Variants in YLPM1 observed in about 807,000 individuals in gnomAD.
YLPM1 encodes the protein YLP motif containing 1, also known as YLP motif-containing protein 1.
A neutral mutation model predicts 230.0 loss-of-function variants in YLPM1; 99 were observed. The observed-to-expected ratio is 0.43, with a 90% CI of 0.37 to 0.51. The LOEUF (loss-of-function observed/expected upper bound fraction) is 0.51. Ranked by LOEUF, YLPM1 falls within the 20% of genes least tolerant of loss-of-function variation. The pLI, the probability that YLPM1 is intolerant of heterozygous loss-of-function variation, is 0.00. For synonymous variants in YLPM1, 984 were observed against 942.5 expected, an observed-to-expected ratio of 1.04 and a Z score of -0.81; for missense variants, 2,592 against 2,707.7, an observed-to-expected ratio of 0.96 and a Z score of 0.95.
chr14:74,797,689 GA>G lies in YLPM1; in HGVS notation c.2394del (p.Gly799ValfsTer13). 6.2e-7 allele frequency: 1 copy of G among 1,612,590 alleles called. No individual in the cohort carries two copies. The highest frequency in any genetic ancestry group is 8.5e-7 in the Non-Finnish European group (1 of 1,179,090). On this transcript the variant is annotated frameshift_variant, in exon 5 of 21. Coordinates refer to ENST00000325680, the MANE Select transcript of YLPM1 (RefSeq NM_019589.3). LOFTEE classifies it high-confidence loss of function. ...CCCCGATGGGCCAAGACCCAGATAT[GA>G]AGGTCACCCAGCAGAGGGCACTAAA... ...NRPDGPRPRY[E>X]GHPAEGTKSK...
chr14:74,769,945 G>A (rs1295730809), intron 1 of YLPM1, among the ~76,000 whole-genome samples: 2 of 150,726 alleles, frequency 1.3e-5, no homozygotes, highest in African/African-American at 4.9e-5. Context: ...CACTTTGGGA[G>A]GCCTAGGCGG....
In YLPM1 at chr14:74,799,087, T is replaced by C; in HGVS notation, c.3790T>C (p.Trp1264Arg). Residue 1264 changes from tryptophan (W) to arginine (R), a missense_variant, in exon 5 of 21, where the codon TGG becomes CGG. Physicochemically the swap from Trp to Arg is moderately radical, Grantham distance 101. Coordinates refer to ENST00000325680, the MANE Select transcript of YLPM1 (RefSeq NM_019589.3). ...TCATGATGGAGATAGGCGAGGCCCT[T>C]GGTGGGATGATTGGGAGAGAGACCA... ...RSHDGDRRGP[W>R]WDDWERDQDM... 6.2e-7 allele frequency: 1 copy of C among 1,613,850 alleles called. No individual in the cohort carries two copies.
intron 16 of YLPM1, among the ~76,000 whole-genome samples, chr14:74,819,953 C>T (rs899391432): frequency 2.0e-5 from 3 of 152,066 alleles, no homozygotes; most frequent in Non-Finnish European, 2.9e-5. Context: ...TGAATCTTTC[C>T]GGTAGCTTAG....
chr14:74,825,038 A>G (rs757642682), intron 18 of YLPM1, among the ~76,000 whole-genome samples: 1 of 152,198 alleles, frequency 6.6e-6, no homozygotes, highest in South Asian at 2.1e-4. Flanking sequence ...ATTAAGATGT[A>G]TTAATAAAAA....
intron 3 of YLPM1, 43 bp downstream of exon 3, chr14:74,780,627 A>G: frequency 2.6e-6 from 4 of 1,519,034 alleles, no homozygotes; most frequent in East Asian, 2.4e-5. Flanking sequence ...GCCCCAAGAC[A>G]TTGAAAGGAT....
chr14:74,790,309 T>G (rs1450822109), intron 4 of YLPM1, among the ~76,000 whole-genome samples: 2 of 152,202 alleles, frequency 1.3e-5, no homozygotes, highest in African/African-American at 2.4e-5. Flanking sequence ...AACTTATCTT[T>G]GGGAATTTTA....
At chr14:74,788,106 T>A (rs2091166869) in intron 4 of YLPM1, among the ~76,000 whole-genome samples, 1 of 146,444 alleles carries the variant, frequency 6.8e-6, no homozygotes, top group Non-Finnish European at 1.5e-5. Context: ...GAAATAATTC[T>A]GTCACATACC....
At position 74,823,514 on chromosome 14, in the gene YLPM1, G is replaced by C. The variant is rs76678748; in HGVS notation, c.6112-742G>C. On this transcript the variant is annotated intron_variant, in intron 17 of 20. Coordinates refer to ENST00000325680, the MANE Select transcript of YLPM1 (RefSeq NM_019589.3). ...TCTTTTGGGAGTGACTTTGAAATAA[G>C]CCACCCAGTTATTTTATGAAATATA... 6.0e-3 allele frequency among the ~76,000 whole-genome samples: 915 copies of C among 152,200 alleles called. 23 individuals are homozygous for C. Among genetic ancestry groups the C allele is most frequent in the East Asian group, 0.051 (265 of 5,190 alleles).
rs945430190 is a variant in YLPM1, at chr14:74,809,478, C to T, written c.4620C>T (p.Thr1540=). The T allele has an allele frequency of 1.9e-6, 3 of 1,588,322 alleles. No homozygotes were observed. The African/African-American group carries it at 4.0e-5, about 21-fold the overall frequency. The change falls in exon 7 of 21, where the codon ACC becomes ACT. Residue 1540 remains threonine, a synonymous_variant. Transcript: ENST00000325680. ...CAGCAAGATCATCTGTTCCTGTGACCAGGCCACCTGTCCCAATACCACCAC... is the reference window on the plus strand; with the variant it reads ...CAGCAAGATCATCTGTTCCTGTGACTAGGCCACCTGTCCCAATACCACCAC... ...APPARSSVPV[T]RPPVPIPPPP...
In YLPM1 at chr14:74,781,752, C is replaced by T; in HGVS notation, c.1709C>T (p.Pro570Leu). The change falls in exon 4 of 21, where the codon CCA becomes CTA. Residue 570 changes from proline (P) to leucine (L), a missense_variant. Physicochemically the swap from Pro to Leu is moderately conservative, Grantham distance 98. Around this residue, in one of 4 missense-constraint regions of YLPM1, gnomAD observed 1,862 missense variants for 1,819.8 expected, o/e 1.02. Coordinates refer to ENST00000325680, the MANE Select transcript of YLPM1 (RefSeq NM_019589.3). Reference sequence around the variant, plus strand: ...CCACCTGTTATGCCACCTTCTCTACCAACCTCTGTTCCCCCACCAGGGATG... The same window carrying T: ...CCACCTGTTATGCCACCTTCTCTACTAACCTCTGTTCCCCCACCAGGGATG... ...MPPPVMPPSL[P>L]TSVPPPGMPP... 6.2e-7 allele frequency: 1 copy of T among 1,613,028 alleles called. No individual in the cohort carries two copies. Among genetic ancestry groups the T allele is most frequent in the Non-Finnish European group, 8.5e-7 (1 of 1,179,684 alleles).
At chr14:74,781,108 ATTGTTTGG>A (rs1403990315) in intron 3 of YLPM1, among the ~76,000 whole-genome samples, 1 of 152,112 alleles carries the variant, frequency 6.6e-6, no homozygotes, top group African/African-American at 2.4e-5. Flanking sequence ...TATTTGCTTT[ATTGTTTGG>A]TTGGTTTTTC....
In YLPM1 at chr14:74,779,962, C is replaced by T. The variant is rs941095953; in HGVS notation, c.1111-443C>T. On this transcript the variant is annotated intron_variant, in intron 2 of 20. Coordinates refer to ENST00000325680, the MANE Select transcript of YLPM1 (RefSeq NM_019589.3). ...GAGATTACAGGTACCTGCCACCATGCCTGGCTAATTTTTGTATTTTTAGTA... is the reference window on the plus strand; with the variant it reads ...GAGATTACAGGTACCTGCCACCATGTCTGGCTAATTTTTGTATTTTTAGTA... Among the ~76,000 whole-genome samples, 11 of 152,162 alleles carry T rather than the reference C, an allele frequency of 7.2e-5. No homozygotes were observed. The South Asian group carries it at 1.0e-3, about 14-fold the overall frequency.
chr14:74,799,730 T>A, intron 5 of YLPM1, 33 bp downstream of exon 5: 1 of 1,551,966 alleles, frequency 6.4e-7, no homozygotes, highest in South Asian at 1.2e-5. Context: ...TTTCTTTTAA[T>A]AAAAACCACA....
chr14:74,785,931 C>T lies in YLPM1; in HGVS notation c.2282+3606C>T, dbSNP rs564710440. Among the ~76,000 whole-genome samples, 15 of 152,270 alleles carry T rather than the reference C, an allele frequency of 9.9e-5. No individual in the cohort carries two copies. In the East Asian group the frequency reaches 1.9e-3, roughly 20 times the overall value. On this transcript the variant is annotated intron_variant, in intron 4 of 20. Coordinates refer to ENST00000325680, the MANE Select transcript of YLPM1 (RefSeq NM_019589.3). ...TTCACTCAGTCTTCCAGAAGACTACCGTTGGTCCAGAAAACTGTCATATCA... is the reference window on the plus strand; with the variant it reads ...TTCACTCAGTCTTCCAGAAGACTACTGTTGGTCCAGAAAACTGTCATATCA...
Position 74,810,469 on chromosome 14 carries a change from A to C in YLPM1, c.5228+49A>C, listed in dbSNP as rs370374170. The C allele has an allele frequency of 1.7e-4, 255 of 1,539,538 alleles. 1 individual carries two copies. Among genetic ancestry groups the C allele is most frequent in the Non-Finnish European group, 6.9e-5 (78 of 1,126,990 alleles). On this transcript the variant is annotated intron_variant, in intron 9 of 20. Transcript: ENST00000325680. ...TAGGTGTACAAATTACTGTATACTT[A>C]ACAGTAAAAGTTTAAGAGAAATTTA...
At chr14:74,818,792 C>G (rs968168533) in intron 16 of YLPM1, among the ~76,000 whole-genome samples, 4 of 152,138 alleles carry the variant, frequency 2.6e-5, no homozygotes, top group African/African-American at 4.8e-5. Context: ...TTTCAAAAAT[C>G]TAAGATTCAA....
In YLPM1 at chr14:74,799,127, A is replaced by G; in HGVS notation, c.3830A>G (p.Asp1277Gly). The G allele has an allele frequency of 6.2e-7, 1 of 1,613,892 alleles. No homozygotes were observed. The highest frequency in any genetic ancestry group is 8.5e-7 in the Non-Finnish European group (1 of 1,179,852). The change falls in exon 5 of 21, where the codon GAC becomes GGC. Residue 1277 changes from aspartate (D) to glycine (G), a missense_variant. Coordinates refer to ENST00000325680, the MANE Select transcript of YLPM1 (RefSeq NM_019589.3). Reference protein sequence around the residue: ...DWERDQDMDEDYNREMERDMD... With the variant: ...DWERDQDMDEGYNREMERDMD... The stretch of plus-strand genomic sequence containing the variant: ...GAGAGAGACCAGGATATGGATGAGG[A>G]CTACAATAGGGAAATGGAAAGGGAC...
At chr14:74,781,071 T>C (rs2091087314) in intron 3 of YLPM1, among the ~76,000 whole-genome samples, 1 of 152,216 alleles carries the variant, frequency 6.6e-6, no homozygotes, top group Non-Finnish European at 1.5e-5. Flanking sequence ...TATTAAAAAC[T>C]TGAAAAATAC....
intron 18 of YLPM1, among the ~76,000 whole-genome samples, chr14:74,825,028 A>G (rs924988980): frequency 1.3e-5 from 2 of 152,178 alleles, no homozygotes; most frequent in African/African-American, 4.8e-5. Flanking sequence ...TAACATGTTG[A>G]TTAAGATGTA....
Sources: allele counts gnomAD v4.1 joint callset (sites outside exome capture counted in the v4.1 genomes callset), GRCh38; gene constraint gnomAD v4.1.1; regional missense constraint gnomAD v4.1.1; transcripts MANE v1.5; gene names NCBI Gene and HGNC (gene_info 2026-07-23, HGNC 2026-07-21).